Variants in CACNA2D3 observed in about 807,000 individuals in gnomAD.
The protein encoded by CACNA2D3 is calcium voltage-gated channel auxiliary subunit alpha2delta 3.
In CACNA2D3, 60 loss-of-function variants were observed where a neutral mutation model predicts 160.6. The observed-to-expected ratio is 0.37, with a 90% CI of 0.30 to 0.46. The LOEUF (loss-of-function observed/expected upper bound fraction) is 0.46, where lower values mean the gene tolerates loss of function less well. CACNA2D3 is among the 20% of genes least tolerant of loss of function. The pLI is 1.00. For missense variants in CACNA2D3, 1,205 were observed against 1,365.0 expected, an observed-to-expected ratio of 0.88 and a Z score of 1.85; for synonymous variants, 558 against 492.9, an observed-to-expected ratio of 1.13 and a Z score of -1.75.
chr3:54,930,962 G>A (rs774978114), intron 27 of CACNA2D3, among the ~76,000 whole-genome samples: 54 of 152,114 alleles, frequency 3.5e-4, no homozygotes, highest in Non-Finnish European at 6.8e-4. Context: ...TGGGCGTGAT[G>A]GTGGCCTTCT....
chr3:54,474,925 C>A (rs1700802761), intron 4 of CACNA2D3, among the ~76,000 whole-genome samples: 1 of 152,222 alleles, frequency 6.6e-6, no homozygotes, highest in Admixed American at 6.5e-5. Context: ...CTCTGTAATC[C>A]AGTGGTGATA....
chr3:54,322,319 T>A (rs1704020386), intron 3 of CACNA2D3, among the ~76,000 whole-genome samples: 1 of 152,152 alleles, frequency 6.6e-6, no homozygotes, highest in Admixed American at 6.5e-5. Context: ...CTTTTTTTCC[T>A]CACTTACCAG....
intron 5 of CACNA2D3, among the ~76,000 whole-genome samples, chr3:54,512,737 G>A (rs1362652008): frequency 6.6e-6 from 1 of 152,158 alleles, no homozygotes; most frequent in East Asian, 1.9e-4. Context: ...TACTTCTTAG[G>A]CCACTTTGCT....
intron 9 of CACNA2D3, among the ~76,000 whole-genome samples, chr3:54,605,065 G>T (rs1460066438): frequency 1.3e-5 from 2 of 152,110 alleles, no homozygotes; most frequent in Admixed American, 1.3e-4. Flanking sequence ...TGGTTTTCCT[G>T]CAATCTTTGG....
Position 54,658,258 on chromosome 3 carries a change from A to C in CACNA2D3, c.1167+16017A>C, listed in dbSNP as rs185511204. Among the ~76,000 whole-genome samples, 200 of 152,330 alleles carry C rather than the reference A, an allele frequency of 1.3e-3. 1 individual carries two copies. Among genetic ancestry groups the C allele is most frequent in the African/African-American group, 4.7e-3 (194 of 41,580 alleles). On this transcript the variant is annotated intron_variant, in intron 11 of 37. Transcript: ENST00000474759. Reference sequence around the variant, plus strand: ...TTTTTTAATGTTTTGAGGAATCTCCATACTGTTTTCATAATGGCTGTACCA... The same window carrying C: ...TTTTTTAATGTTTTGAGGAATCTCCCTACTGTTTTCATAATGGCTGTACCA...
At chr3:54,546,375 T>A (rs1702064770) in intron 5 of CACNA2D3, among the ~76,000 whole-genome samples, 1 of 152,240 alleles carries the variant, frequency 6.6e-6, no homozygotes, top group Non-Finnish European at 1.5e-5. Context: ...GGAAGACACC[T>A]AACTTGAAGA....
At chr3:54,707,968 T>C (rs566884) in intron 11 of CACNA2D3, among the ~76,000 whole-genome samples, 90,437 of 152,002 alleles carry the variant, frequency 0.59, 28,358 homozygotes, top group South Asian at 0.73. Flanking sequence ...CTTGGTTATG[T>C]GACTTTAAGT....
chr3:55,060,901 TG>T (rs1275029715), intron 35 of CACNA2D3, among the ~76,000 whole-genome samples: 1 of 152,248 alleles, frequency 6.6e-6, no homozygotes, highest in African/African-American at 2.4e-5. Context: ...TTTCATTCCA[TG>T]GGGGTTTCTC....
At chr3:54,648,811 G>T (rs1699702357) in intron 11 of CACNA2D3, among the ~76,000 whole-genome samples, 2 of 152,208 alleles carry the variant, frequency 1.3e-5, no homozygotes, top group Admixed American at 1.3e-4. Flanking sequence ...ATGTCACATG[G>T]TGAGAGAGGA....
chr3:54,170,549 T>C (rs928548611), intron 2 of CACNA2D3, among the ~76,000 whole-genome samples: 2 of 152,210 alleles, frequency 1.3e-5, no homozygotes, highest in African/African-American at 4.8e-5. Context: ...ATATTGCTGC[T>C]GTGCACCTCC....
chr3:54,825,148 A>G (rs913814071), intron 14 of CACNA2D3, among the ~76,000 whole-genome samples: 3 of 152,232 alleles, frequency 2.0e-5, no homozygotes, highest in Non-Finnish European at 4.4e-5. Context: ...CTGCAATGAA[A>G]CTGCCTTTTC....
intron 11 of CACNA2D3, among the ~76,000 whole-genome samples, chr3:54,701,549 A>G (rs1034844646): frequency 6.6e-6 from 1 of 152,226 alleles, no homozygotes; most frequent in African/African-American, 2.4e-5. Context: ...GAGGTGAAAT[A>G]TCTCTACAAC....
rs1702675538 is a variant in CACNA2D3 at position 54,273,819 on chromosome 3, G to A, written c.205-46623G>A. On this transcript the variant is annotated intron_variant, in intron 2 of 37. Coordinates refer to ENST00000474759, the MANE Select transcript of CACNA2D3 (RefSeq NM_018398.3). ...ATGGAGCTTTAAGCTATTCTGGTAA[G>A]GGTGAGCTTTGTTTTAAGGTTTGTG... is the stretch of plus-strand genomic sequence containing the variant. Among the ~76,000 whole-genome samples the A allele has an allele frequency of 3.9e-5, 6 of 152,182 alleles. No individual in the cohort carries two copies. The South Asian group carries it at 1.2e-3, about 32-fold the overall frequency.
At chr3:54,662,764 C>G (rs575575199) in intron 11 of CACNA2D3, among the ~76,000 whole-genome samples, 6 of 152,280 alleles carry the variant, frequency 3.9e-5, no homozygotes, top group Non-Finnish European at 7.4e-5. Context: ...TTAGAAGAGT[C>G]AGGAAAGGGA....
chr3:54,680,794 T>G (rs777422457), intron 11 of CACNA2D3, among the ~76,000 whole-genome samples: 37 of 152,176 alleles, frequency 2.4e-4, no homozygotes, highest in South Asian at 8.3e-4. Flanking sequence ...GGGTTATAGC[T>G]ATGTTGCTGC....
chr3:54,796,251 C>T (rs1296931386), intron 13 of CACNA2D3, among the ~76,000 whole-genome samples: 1 of 152,128 alleles, frequency 6.6e-6, no homozygotes, highest in African/African-American at 2.4e-5. Context: ...AAAAAACAGG[C>T]TTTGGAGTCA....
At chr3:54,605,946 C>T (rs1698599621) in intron 9 of CACNA2D3, among the ~76,000 whole-genome samples, 1 of 152,166 alleles carries the variant, frequency 6.6e-6, no homozygotes, top group Non-Finnish European at 1.5e-5. Context: ...GATTATGGTG[C>T]AGACTCCTTT....
intron 13 of CACNA2D3, among the ~76,000 whole-genome samples, chr3:54,782,756 A>G (rs924672039): frequency 6.6e-6 from 1 of 152,182 alleles, no homozygotes; most frequent in Non-Finnish European, 1.5e-5. Flanking sequence ...AGACTTTATG[A>G]CTACATCATT....
chr3:54,370,360 C>T (rs1045191970), intron 3 of CACNA2D3, among the ~76,000 whole-genome samples: 2 of 152,230 alleles, frequency 1.3e-5, no homozygotes, highest in East Asian at 1.9e-4. Context: ...ATTTATTTAG[C>T]GTTTCTTGTT....
Sources: gnomAD v4.1 joint callset for allele counts (sites outside exome capture counted in the v4.1 genomes callset) on GRCh38, gnomAD v4.1.1 for gene constraint, MANE v1.5 for transcripts, NCBI Gene and HGNC (gene_info 2026-07-23, HGNC 2026-07-21) for gene names.